The following DHX57 variants were observed in gnomAD, a reference collection of about 807,000 sequenced individuals.
The protein encoded by DHX57 is putative ATP-dependent RNA helicase DHX57.
Under a neutral mutation model 156.2 loss-of-function variants are expected in DHX57, and 105 were observed. That is an observed-to-expected ratio of 0.67 (90% CI 0.57 to 0.79). The LOEUF (loss-of-function observed/expected upper bound fraction) is 0.79. Ranked by LOEUF, DHX57 falls within the 30% of genes least tolerant of loss-of-function variation. The probability of loss-of-function intolerance (pLI) is 0.00; values close to 1 mark genes in which losing one functional copy is unlikely to be tolerated. For synonymous variants in DHX57, 704 were observed against 595.6 expected (o/e 1.18, Z -2.65); for missense variants, 1,847 against 1,661.9 (o/e 1.11, Z -1.94).
intron 7 of DHX57, 138 bp from the exon 8 acceptor site, chr2:38,855,390 C>G: frequency 1.1e-6 from 1 of 901,266 alleles, no homozygotes; most frequent in Non-Finnish European, 1.8e-6. Flanking sequence ...TCTAAAACAA[C>G]CTCCTGACTT....
intron 23 of DHX57, among the ~76,000 whole-genome samples, chr2:38,798,749 G>T (rs575958645): frequency 1.4e-4 from 21 of 151,644 alleles, no homozygotes; most frequent in Non-Finnish European, 2.9e-4. Context: ...TTCAAGACCA[G>T]GCTGGCCAAC....
At chr2:38,856,690 C>G in intron 6 of DHX57, 1 of 357,226 alleles carries the variant, frequency 2.8e-6, no homozygotes, top group Non-Finnish European at 4.9e-6. Context: ...TTTGTAGAGA[C>G]AGGACTTCAC....
Position 38,852,768 on chromosome 2 carries a change from C to G in DHX57, c.2030+1286G>C, listed in dbSNP as rs1257909959. On this transcript the variant is annotated intron_variant, in intron 9 of 23. Transcript: ENST00000457308. The stretch of plus-strand genomic sequence containing the variant: ...TAGCTGGAACTACAAGCATGCACCA[C>G]TGTGTCTGGCAAGAATTTTTATTTT... Among the ~76,000 whole-genome samples, 7 of 151,876 alleles carry G rather than the reference C, an allele frequency of 4.6e-5. No homozygotes were observed. In the South Asian group the frequency reaches 1.0e-3, roughly 23 times the overall value.
At chr2:38,809,273 C>T (rs1670112854) in intron 21 of DHX57, among the ~76,000 whole-genome samples, 1 of 151,862 alleles carries the variant, frequency 6.6e-6, no homozygotes, top group African/African-American at 2.4e-5. Flanking sequence ...GCATGTACCA[C>T]CGTGCCTGGC....
intron 12 of DHX57, among the ~76,000 whole-genome samples, chr2:38,841,564 T>C (rs1195103328): frequency 6.6e-6 from 1 of 152,246 alleles, no homozygotes; most frequent in Non-Finnish European, 1.5e-5. Flanking sequence ...GAACTGTCTT[T>C]GGTAGATGCA....
At position 38,861,258 on chromosome 2, in the gene DHX57, A is replaced by G. The variant is rs1270286813; in HGVS notation, c.1152T>C (p.Ala384=). Residue 384 remains alanine (A), a synonymous_variant, in exon 5 of 24, where the codon GCT becomes GCC. Transcript: ENST00000457308. ...FYSTNENLPL[A]CRLHISEFLY... Reference sequence around the variant, plus strand: ...GAAACTCAGAAATATGTAAACGACAAGCCAGAGGTAGGTTCTCATTGGTGG... The same window carrying G: ...GAAACTCAGAAATATGTAAACGACAGGCCAGAGGTAGGTTCTCATTGGTGG... 6.2e-7 allele frequency: 1 copy of G among 1,614,204 alleles called. No individual in the cohort carries two copies. Among genetic ancestry groups the G allele is most frequent in the Non-Finnish European group, 8.5e-7 (1 of 1,180,036 alleles).
rs1240550747 is a variant in DHX57 at position 38,858,730 on chromosome 2, T to A, written c.1518A>T (p.Arg506Ser). Residue 506 changes from arginine (R) to serine (S), a missense_variant, in exon 6 of 24, where the codon AGA becomes AGT. By Grantham distance (110) the Arg-to-Ser change is moderately radical (BLOSUM62 -1). Transcript: ENST00000457308. ...YVNLKKKISK[R>S]YDWQAKSVHA... ...GTACTGACTTTGCCTGCCAGTCATATCTTTTGGAAATCTTTTTCTTAAGGT... is the reference window on the plus strand; with the variant it reads ...GTACTGACTTTGCCTGCCAGTCATAACTTTTGGAAATCTTTTTCTTAAGGT... The A allele has an allele frequency of 6.2e-7, 1 of 1,614,196 alleles. No homozygotes were observed. Among genetic ancestry groups the A allele is most frequent in the Non-Finnish European group, 8.5e-7 (1 of 1,180,036 alleles).
intron 1 of DHX57, among the ~76,000 whole-genome samples, chr2:38,871,319 AAG>A (rs1366109287): frequency 6.6e-6 from 1 of 152,222 alleles, no homozygotes; most frequent in Non-Finnish European, 1.5e-5. Context: ...TAACAGCACA[AAG>A]AAGATTGGTG....
At chr2:38,875,473 C>T (rs1160217355) in intron 1 of DHX57, among the ~76,000 whole-genome samples, 2 of 152,168 alleles carry the variant, frequency 1.3e-5, no homozygotes, top group Non-Finnish European at 2.9e-5. Context: ...GAGAACGGAG[C>T]CTGATCCCTT....
At chr2:38,849,558 A>G (rs1298443784) in intron 9 of DHX57, among the ~76,000 whole-genome samples, 1 of 135,234 alleles carries the variant, frequency 7.4e-6, no homozygotes, top group Non-Finnish European at 1.6e-5. Context: ...AAAAAAAAAA[A>G]AGAAAAATCT....
chr2:38,815,516 T>C lies in DHX57; in HGVS notation c.3606+5A>G. The C allele has an allele frequency of 1.2e-6, 2 of 1,613,978 alleles. No individual in the cohort carries two copies. The highest frequency in any genetic ancestry group is 1.1e-5 in the South Asian group (1 of 91,078). The stretch of plus-strand genomic sequence containing the variant: ...AGAAATGAGAACCAACTCCACATTC[T>C]TTACCTCTTCTCCTGTGGCATCTAA... On this transcript the variant is annotated splice_donor_5th_base_variant and intron_variant, in intron 20 of 23. Transcript: ENST00000457308.
intron 11 of DHX57, among the ~76,000 whole-genome samples, chr2:38,844,043 TAA>T (rs1386027878): frequency 6.6e-6 from 1 of 152,096 alleles, no homozygotes; most frequent in African/African-American, 2.4e-5. Context: ...TGTAGCTTTT[TAA>T]AAAAAAGATT....
rs1300733858 is a variant in DHX57 at position 38,798,007 on chromosome 2, T to G, written c.*292A>C. On this transcript the variant is annotated 3_prime_UTR_variant, in exon 24 of 24. Transcript: ENST00000457308. ...CAGAATTGTATTATACATTCACTTTTGAGTTATCAGGTGAACTTAATTCAC... is the reference window on the plus strand; with the variant it reads ...CAGAATTGTATTATACATTCACTTTGGAGTTATCAGGTGAACTTAATTCAC... 3.1e-5 allele frequency: 9 copies of G among 288,312 alleles called. No homozygotes were observed. The highest frequency in any genetic ancestry group is 6.2e-5 in the Non-Finnish European group (9 of 145,174). 17.9% of individuals were successfully genotyped at this position (288,312 alleles called of 1,614,324 possible). A position where few individuals can be genotyped will look rare whatever the true frequency, so the allele number is the denominator to read the frequency against.
At position 38,819,033 on chromosome 2, in the gene DHX57, T is replaced by A; in HGVS notation, c.3387+16A>T. On this transcript the variant is annotated intron_variant, in intron 18 of 23. Coordinates refer to ENST00000457308, the MANE Select transcript of DHX57 (RefSeq NM_198963.3). Reference sequence around the variant, plus strand: ...AACACTGGTAATAAAACTAAGCTATTAGGTTATATACTTACCTTATACGCT... The same window carrying A: ...AACACTGGTAATAAAACTAAGCTATAAGGTTATATACTTACCTTATACGCT... 1 of 1,613,934 alleles carries A rather than the reference T, an allele frequency of 6.2e-7. No homozygotes were observed. Among genetic ancestry groups the A allele is most frequent in the East Asian group, 2.2e-5 (1 of 44,886 alleles).
intron 12 of DHX57, among the ~76,000 whole-genome samples, chr2:38,841,010 A>C (rs539882016): frequency 1.1e-4 from 17 of 152,212 alleles, no homozygotes; most frequent in African/African-American, 3.9e-4. Flanking sequence ...TGTAGTAGAG[A>C]CAAGGTCTCA....
chr2:38,819,826 T>G (rs1670722827), intron 17 of DHX57, among the ~76,000 whole-genome samples: 2 of 152,202 alleles, frequency 1.3e-5, no homozygotes, highest in African/African-American at 4.8e-5. Context: ...ATAACTAGTG[T>G]TTTACTCTTA....
rs186754449 is a variant in DHX57 at position 38,806,554 on chromosome 2, C to T, written c.3816+5G>A. Reference sequence around the variant, plus strand: ...TAAACATTAAGTATACTCCACCATTCTGACCTGATAGTTCACTGATGAAGG... The same window carrying T: ...TAAACATTAAGTATACTCCACCATTTTGACCTGATAGTTCACTGATGAAGG... On this transcript the variant is annotated splice_donor_5th_base_variant and intron_variant, in intron 22 of 23. Coordinates refer to ENST00000457308, the MANE Select transcript of DHX57 (RefSeq NM_198963.3). 1.1e-3 allele frequency: 1,748 copies of T among 1,613,804 alleles called. 1 individual carries two copies. The highest frequency in any genetic ancestry group is 1.3e-3 in the Non-Finnish European group (1,544 of 1,179,930).
intron 19 of DHX57, chr2:38,816,313 C>T: frequency 2.2e-6 from 1 of 446,686 alleles, no homozygotes; most frequent in Non-Finnish European, 4.5e-6. Flanking sequence ...CTCCTGGGTT[C>T]AAGTGATTCT....
intron 11 of DHX57, among the ~76,000 whole-genome samples, chr2:38,845,853 A>G (rs550333463): frequency 1.5e-4 from 22 of 150,522 alleles, no homozygotes; most frequent in African/African-American, 4.6e-4. Context: ...TGATGATGAT[A>G]ATAATAGCTA....
Sources: gnomAD v4.1 joint callset for allele counts (sites outside exome capture counted in the v4.1 genomes callset) on GRCh38, gnomAD v4.1.1 for gene constraint, MANE v1.5 for transcripts, NCBI Gene and HGNC (gene_info 2026-07-23, HGNC 2026-07-21) for gene names.